PDE4B: variants seen among roughly 807,000 people sequenced by gnomAD.
The protein encoded by PDE4B is phosphodiesterase 4B.
PDE4B carries 20 observed loss-of-function variants against 82.2 expected under a neutral mutation model. The observed-to-expected ratio is 0.24, with a 90% confidence interval of 0.17 to 0.35. The LOEUF is 0.35. Ranked by LOEUF, PDE4B falls within the 10% of genes least tolerant of loss-of-function variation. The probability of loss-of-function intolerance (pLI) is 1.00; values close to 1 mark genes in which losing one functional copy is unlikely to be tolerated. For synonymous variants in PDE4B, 320 were observed against 318.9 expected (o/e 1.00, Z -0.04); for missense variants, 655 against 907.2 (o/e 0.72, Z 3.57).
intron 7 of PDE4B, among the ~76,000 whole-genome samples, chr1:66,304,107 C>A (rs1172875042): frequency 6.6e-6 from 1 of 152,066 alleles, no homozygotes; most frequent in Non-Finnish European, 1.5e-5. Flanking sequence ...AAAATCCTTT[C>A]AGGTATTTAG....
intron 3 of PDE4B, among the ~76,000 whole-genome samples, chr1:66,020,308 CTT>C (rs927288283): frequency 3.3e-5 from 5 of 151,834 alleles, no homozygotes; most frequent in Non-Finnish European, 7.4e-5. Flanking sequence ...TTAAAGAACA[CTT>C]TGAACTCTTT....
At chr1:65,905,664 C>G (rs778690832) in intron 1 of PDE4B, among the ~76,000 whole-genome samples, 6 of 152,086 alleles carry the variant, frequency 3.9e-5, no homozygotes, top group Non-Finnish European at 7.4e-5. Flanking sequence ...GGGCTTCTCT[C>G]TTTGTTTCTT....
intron 3 of PDE4B, among the ~76,000 whole-genome samples, chr1:66,239,133 C>A (rs1229661678): frequency 6.6e-6 from 1 of 152,070 alleles, no homozygotes; most frequent in African/African-American, 2.4e-5. Context: ...AATAGATTGT[C>A]TTATTGGCAG....
chr1:66,240,379 T>C (rs1557654080), intron 3 of PDE4B, among the ~76,000 whole-genome samples: 1 of 152,148 alleles, frequency 6.6e-6, no homozygotes. Flanking sequence ...AGTATAGAAA[T>C]GAGGATAGGA....
At chr1:65,855,862 A>G (rs1041064019) in intron 1 of PDE4B, among the ~76,000 whole-genome samples, 2 of 152,130 alleles carry the variant, frequency 1.3e-5, no homozygotes, top group African/African-American at 4.8e-5. Flanking sequence ...GCAGAAAGCC[A>G]GGGCAAACAT....
intron 3 of PDE4B, among the ~76,000 whole-genome samples, chr1:66,047,445 T>G (rs921571911): frequency 6.6e-6 from 1 of 151,906 alleles, no homozygotes; most frequent in African/African-American, 2.4e-5. Context: ...TAGACTAGCC[T>G]AGAAGTCCCT....
intron 3 of PDE4B, among the ~76,000 whole-genome samples, chr1:66,096,288 G>T (rs928476554): frequency 3.3e-5 from 5 of 151,170 alleles, no homozygotes; most frequent in Non-Finnish European, 5.9e-5. Flanking sequence ...CTGTTCCTGG[G>T]TTTTTTCACT....
At chr1:66,304,842 G>T (rs761673687) in intron 7 of PDE4B, among the ~76,000 whole-genome samples, 2 of 152,086 alleles carry the variant, frequency 1.3e-5, no homozygotes, top group Non-Finnish European at 2.9e-5. Flanking sequence ...CCTCCAAGAA[G>T]CTCTCCCTGA....
At chr1:65,958,489 C>T (rs1190268531) in intron 3 of PDE4B, among the ~76,000 whole-genome samples, 1 of 151,930 alleles carries the variant, frequency 6.6e-6, no homozygotes, top group African/African-American at 2.4e-5. Context: ...CTTAGAGTGA[C>T]TTGAAGATTG....
intron 3 of PDE4B, among the ~76,000 whole-genome samples, chr1:66,234,729 T>A (rs1340895581): frequency 2.0e-5 from 3 of 152,296 alleles, no homozygotes; most frequent in Admixed American, 6.5e-5. Flanking sequence ...TTGTCAATTT[T>A]ATTGATTACT....
intron 1 of PDE4B, among the ~76,000 whole-genome samples, chr1:65,855,175 C>G (rs1646378830): frequency 6.7e-6 from 1 of 148,848 alleles, no homozygotes; most frequent in African/African-American, 2.5e-5. Context: ...ATTATTCTAT[C>G]TTTTCTGCCA....
At chr1:66,287,509 A>T (rs1656762595) in intron 7 of PDE4B, among the ~76,000 whole-genome samples, 1 of 152,170 alleles carries the variant, frequency 6.6e-6, no homozygotes, top group Admixed American at 6.6e-5. Flanking sequence ...AACAGGAGGA[A>T]TCACACCTGC....
intron 2 of PDE4B, among the ~76,000 whole-genome samples, chr1:65,914,470 C>CTTCTTTTT (rs1553120183): frequency 6.9e-6 from 1 of 145,058 alleles, no homozygotes. Flanking sequence ...TCTTCTTCTT[C>CTTCTTTTT]TTTTTTTTTT....
At chr1:65,963,673 T>C (rs557976575) in intron 3 of PDE4B, among the ~76,000 whole-genome samples, 1 of 152,342 alleles carries the variant, frequency 6.6e-6, no homozygotes, top group Admixed American at 6.5e-5. Context: ...TCTGACTCTT[T>C]AGCCACATGG....
chr1:66,293,067 T>C (rs1051181171), intron 7 of PDE4B, among the ~76,000 whole-genome samples: 2 of 152,148 alleles, frequency 1.3e-5, no homozygotes, highest in African/African-American at 4.8e-5. Flanking sequence ...TTTGGCTTAG[T>C]GGTTCTGATT....
chr1:66,312,941 A>G (rs76222053), intron 7 of PDE4B, among the ~76,000 whole-genome samples: 4,295 of 152,280 alleles, frequency 0.028, 209 homozygotes, highest in African/African-American at 0.099. Flanking sequence ...TTTGGTTCTG[A>G]CTGTGACTCT....
At chr1:66,100,009 T>G (rs1645190832) in intron 3 of PDE4B, among the ~76,000 whole-genome samples, 1 of 152,136 alleles carries the variant, frequency 6.6e-6, no homozygotes, top group Admixed American at 6.6e-5. Flanking sequence ...CCTGTTTATA[T>G]TTTATTCTCT....
intron 12 of PDE4B, among the ~76,000 whole-genome samples, chr1:66,364,220 T>G (rs1007403703): frequency 3.3e-5 from 5 of 152,206 alleles, no homozygotes; most frequent in African/African-American, 4.8e-5. Flanking sequence ...TCTATATTTC[T>G]TATTAGTAAT....
chr1:66,304,504 A>G (rs1001317545), intron 7 of PDE4B, among the ~76,000 whole-genome samples: 1 of 152,160 alleles, frequency 6.6e-6, no homozygotes, highest in Admixed American at 6.6e-5. Context: ...ACAGTCCCTC[A>G]TATTTAGTGG....
Sources: allele counts gnomAD v4.1 joint callset (sites outside exome capture counted in the v4.1 genomes callset), GRCh38; gene constraint gnomAD v4.1.1; transcripts MANE v1.5; gene names NCBI Gene and HGNC (gene_info 2026-07-23, HGNC 2026-07-21).